Variants in FGD3 observed in about 807,000 individuals in gnomAD.
FGD3 encodes FYVE, RhoGEF and PH domain-containing protein 3.
A neutral mutation model predicts 71.8 loss-of-function variants in FGD3; 45 were observed. The ratio of observed to expected loss-of-function variants is 0.63; its 90% CI spans 0.49 to 0.80. The LOEUF (loss-of-function observed/expected upper bound fraction) is 0.80. Ranked by LOEUF, FGD3 falls within the 30% of genes least tolerant of loss-of-function variation. FGD3 has a pLI of 0.00. For missense variants in FGD3, 844 were observed against 951.5 expected (o/e 0.89, Z 1.49); for synonymous variants, 378 against 392.8 (o/e 0.96, Z 0.44).
At chr9:92,962,356 G>A (rs1279405928) in intron 1 of FGD3, among the ~76,000 whole-genome samples, 1 of 152,202 alleles carries the variant, frequency 6.6e-6, no homozygotes, top group Non-Finnish European at 1.5e-5. Context: ...TGGCCTTCTG[G>A]CACAGGGGAC....
intron 1 of FGD3, among the ~76,000 whole-genome samples, chr9:92,955,785 G>T (rs1859040492): frequency 6.6e-6 from 1 of 152,132 alleles, no homozygotes; most frequent in African/African-American, 2.4e-5. Context: ...CTACAATTTT[G>T]TCATTTTGAG....
intron 6 of FGD3, among the ~76,000 whole-genome samples, chr9:93,008,594 C>T (rs1339923004): frequency 6.6e-6 from 1 of 152,162 alleles, no homozygotes; most frequent in African/African-American, 2.4e-5. Flanking sequence ...GTCTCTGCAT[C>T]CCATTCCTGG....
In FGD3 at chr9:92,969,214, G is replaced by C. The variant is rs563274318; in HGVS notation, c.-217-6024G>C. ...GCGGGCGGCTCTTGCCCACAGGGCT[G>C]GGACCCATTGCATAAGGCTTCCCCC... is the stretch of plus-strand genomic sequence containing the variant. On this transcript the variant is annotated intron_variant, in intron 1 of 17. Transcript: ENST00000375482. This position sits in a 1 kb window ranked among gnomAD's most constrained non-coding sequence, Gnocchi z 4.5. Among the ~76,000 whole-genome samples, 1 of 152,350 alleles carries C rather than the reference G, an allele frequency of 6.6e-6. No homozygotes were observed. Among genetic ancestry groups the C allele is most frequent in the Admixed American group, 6.5e-5 (1 of 15,308 alleles).
intron 1 of FGD3, among the ~76,000 whole-genome samples, chr9:92,950,268 T>G (rs2118490310): frequency 6.6e-6 from 1 of 151,952 alleles, no homozygotes; most frequent in South Asian, 2.1e-4. Context: ...ATACAAAAAA[T>G]TAGCCGGGCA....
chr9:92,983,512 G>A (rs778836861), intron 3 of FGD3, among the ~76,000 whole-genome samples: 19 of 152,082 alleles, frequency 1.2e-4, no homozygotes, highest in African/African-American at 2.4e-4. Context: ...GCAACAGAGC[G>A]AGACTCCATC....
intron 10 of FGD3, among the ~76,000 whole-genome samples, chr9:93,017,324 CTAGT>C (rs1861741098): frequency 1.3e-5 from 2 of 152,110 alleles, no homozygotes; most frequent in East Asian, 1.9e-4. Context: ...GGTATTTTCT[CTAGT>C]TAGTGTTTTT....
intron 3 of FGD3, among the ~76,000 whole-genome samples, chr9:92,994,548 C>A (rs1860552971): frequency 2.6e-5 from 4 of 152,200 alleles, no homozygotes; most frequent in Admixed American, 2.6e-4. Flanking sequence ...AGTCCTTGCC[C>A]ATGCTTATGG....
chr9:92,979,962 T>A (rs868853180), intron 3 of FGD3, among the ~76,000 whole-genome samples: 4 of 152,092 alleles, frequency 2.6e-5, no homozygotes, highest in African/African-American at 4.8e-5. Flanking sequence ...CTCTTTTTTT[T>A]TTTGAGGCAG....
intron 3 of FGD3, among the ~76,000 whole-genome samples, chr9:93,002,163 G>A (rs1256390973): frequency 6.6e-6 from 1 of 152,210 alleles, no homozygotes; most frequent in African/African-American, 2.4e-5. Flanking sequence ...TGCATGAAGT[G>A]TTTCATATGT....
intron 3 of FGD3, among the ~76,000 whole-genome samples, chr9:92,996,434 A>T (rs1451817772): frequency 6.6e-6 from 1 of 151,926 alleles, no homozygotes; most frequent in African/African-American, 2.4e-5. Context: ...CAGCTCCTGG[A>T]TTCATTGATT....
chr9:92,968,675 C>T (rs1248057794), intron 1 of FGD3, among the ~76,000 whole-genome samples: 1 of 150,610 alleles, frequency 6.6e-6, no homozygotes, highest in African/African-American at 2.4e-5. Context: ...GTGATCTCCT[C>T]ACTGCAACCT....
chr9:92,970,909 A>G (rs1179336959), intron 1 of FGD3, among the ~76,000 whole-genome samples: 1 of 152,242 alleles, frequency 6.6e-6, no homozygotes, highest in East Asian at 1.9e-4. Context: ...CTGCCCGGCT[A>G]CACTTCCCAA....
intron 1 of FGD3, chr9:92,974,496 CTG>C (rs1356171047): frequency 6.6e-6 from 1 of 152,246 alleles, no homozygotes; most frequent in Non-Finnish European, 1.5e-5. Flanking sequence ...ACTCAGGAGA[CTG>C]TGTGTGGTGG....
chr9:92,977,278 T>C (rs1309297333), intron 3 of FGD3, among the ~76,000 whole-genome samples: 1 of 151,954 alleles, frequency 6.6e-6, no homozygotes, highest in Non-Finnish European at 1.5e-5. Context: ...TGGGGCTGCA[T>C]GGAGGGAGTT....
Position 93,009,429 on chromosome 9 carries a change from G to A in FGD3, c.838-817G>A, listed in dbSNP as rs376622735. Among the ~76,000 whole-genome samples, 19 of 152,332 alleles carry A rather than the reference G, an allele frequency of 1.2e-4. No homozygotes were observed. The East Asian group carries it at 3.1e-3, about 25-fold the overall frequency. ...GAAGCCGTTCTGTTCTGGGCCCTGAGCCAGGTGAGGGTGGTTGAGGCCCTT... is the reference window on the plus strand; with the variant it reads ...GAAGCCGTTCTGTTCTGGGCCCTGAACCAGGTGAGGGTGGTTGAGGCCCTT... On this transcript the variant is annotated intron_variant, in intron 6 of 17. Transcript: ENST00000375482.
intron 1 of FGD3, among the ~76,000 whole-genome samples, chr9:92,961,962 A>G (rs575819030): frequency 6.6e-6 from 1 of 152,302 alleles, no homozygotes; most frequent in African/African-American, 2.4e-5. Flanking sequence ...GTAATGTCCT[A>G]TTGTACAGTA....
At chr9:92,994,110 C>T (rs1860533612) in intron 3 of FGD3, among the ~76,000 whole-genome samples, 1 of 152,196 alleles carries the variant, frequency 6.6e-6, no homozygotes, top group Non-Finnish European at 1.5e-5. Context: ...TATTTCTCCA[C>T]ATCCTCTCCA....
chr9:93,034,369 T>C, intron 16 of FGD3, 172 bp from the exon 17 acceptor site: 1 of 806,128 alleles, frequency 1.2e-6, no homozygotes, highest in South Asian at 2.2e-5. Flanking sequence ...TGCAGGCTTC[T>C]AGTGACCCTT....
rs763535418 is a variant in FGD3, at chr9:93,010,665, G to A, written c.976+281G>A. Among the ~76,000 whole-genome samples the A allele has an allele frequency of 2.6e-3, 112 of 42,760 alleles. 2 individuals are homozygous for A. Among genetic ancestry groups the A allele is most frequent in the African/African-American group, 0.012 (71 of 5,794 alleles). 28.1% of individuals were successfully genotyped at this position (42,760 alleles called of 152,430 possible). On this transcript the variant is annotated intron_variant, in intron 7 of 17. Transcript: ENST00000375482. ...ACAGAGGAAGGAGGGGGAGAGAGAGGGATGGAGAAACAGACAGAGGGGAGG... is the reference window on the plus strand; with the variant it reads ...ACAGAGGAAGGAGGGGGAGAGAGAGAGATGGAGAAACAGACAGAGGGGAGG...
Sources: allele counts gnomAD v4.1 joint callset (sites outside exome capture counted in the v4.1 genomes callset), GRCh38; gene constraint gnomAD v4.1.1; non-coding constraint Gnocchi (gnomAD v3.1); transcripts MANE v1.5; gene names NCBI Gene and HGNC (gene_info 2026-07-23, HGNC 2026-07-21).